The following SPDL1 variants were observed in gnomAD, a reference collection of about 807,000 sequenced individuals.
SPDL1 encodes protein Spindly.
Under a neutral mutation model 79.5 loss-of-function variants are expected in SPDL1, and 85 were observed. The observed-to-expected ratio is 1.07, with a 90% CI of 0.90 to 1.28. The LOEUF is 1.28. Ranked by LOEUF, SPDL1 falls within the 50% of genes most tolerant of loss-of-function variation. SPDL1 has a pLI of 0.00. For missense variants in SPDL1, 703 were observed against 697.8 expected, an observed-to-expected ratio of 1.01 and a Z score of -0.08; for synonymous variants, 269 against 240.3, an observed-to-expected ratio of 1.12 and a Z score of -1.10.
intron 2 of SPDL1, 72 bp downstream of exon 2, chr5:169,588,647 T>C (rs1315009966): frequency 1.5e-6 from 2 of 1,325,080 alleles, no homozygotes; most frequent in Non-Finnish European, 2.0e-6. Context: ...TAGCAATTAA[T>C]AGTAGTAGTA....
chr5:169,597,340 C>T (rs533459203), intron 8 of SPDL1, among the ~76,000 whole-genome samples: 1 of 152,096 alleles, frequency 6.6e-6, no homozygotes, highest in African/African-American at 2.4e-5. Context: ...CAATCTTGAT[C>T]CCAGTGATTT....
chr5:169,591,249 A>G (rs1755269944), intron 3 of SPDL1, 25 bp downstream of exon 3: 1 of 1,600,326 alleles, frequency 6.2e-7, no homozygotes, highest in African/African-American at 1.3e-5. Flanking sequence ...GTATTTCAGC[A>G]CAAAATATTC....
At chr5:169,589,122 A>G (rs937796888) in intron 2 of SPDL1, among the ~76,000 whole-genome samples, 32 of 152,098 alleles carry the variant, frequency 2.1e-4, no homozygotes, top group African/African-American at 7.7e-4. Flanking sequence ...TTCTTTATAT[A>G]CCAAAAATCT....
In SPDL1 at chr5:169,598,988, A is replaced by T. The variant is rs922880024; in HGVS notation, c.1153A>T (p.Thr385Ser). The T allele has an allele frequency of 1.3e-6, 2 of 1,553,204 alleles. No homozygotes were observed. The highest frequency in any genetic ancestry group is 1.7e-6 in the Non-Finnish European group (2 of 1,147,310). The change falls in exon 10 of 12, where the codon ACT (threonine) becomes TCT (serine). Residue 385 changes from threonine to serine, a missense_variant. Physicochemically the swap from Thr to Ser is moderately conservative, Grantham distance 58. Coordinates refer to ENST00000265295, the MANE Select transcript of SPDL1 (RefSeq NM_017785.5). ...LDNLNKEIES[T>S]KGELSIQRMK... Reference sequence around the variant, plus strand: ...TTATCATAGCAAAGAAATTGAAAGCACTAAAGGTGAATTGTCCATACAGCG... The same window carrying T: ...TTATCATAGCAAAGAAATTGAAAGCTCTAAAGGTGAATTGTCCATACAGCG...
At chr5:169,591,317 T>C in intron 3 of SPDL1, 93 bp downstream of exon 3, 1 of 1,327,448 alleles carries the variant, frequency 7.5e-7, no homozygotes, top group Non-Finnish European at 1.0e-6. Flanking sequence ...AAGTGTCAGC[T>C]TTGCAAAATA....
intron 8 of SPDL1, among the ~76,000 whole-genome samples, chr5:169,597,540 C>G (rs182631004): frequency 2.3e-4 from 35 of 151,954 alleles, no homozygotes; most frequent in African/African-American, 6.0e-4. Context: ...CAGTATTTTC[C>G]TGTCTATTTT....
rs760221314 is a variant in SPDL1 at position 169,601,566 on chromosome 5, A to G, written c.1611A>G (p.Gly537=). The G allele has an allele frequency of 6.2e-7, 1 of 1,614,208 alleles. No individual in the cohort carries two copies. The highest frequency in any genetic ancestry group is 8.5e-7 in the Non-Finnish European group (1 of 1,180,038). Residue 537 remains glycine (G), a synonymous_variant, in exon 11 of 12, where the codon GGA becomes GGG. Coordinates refer to ENST00000265295, the MANE Select transcript of SPDL1 (RefSeq NM_017785.5). ...KKEKKCVKLI[G]VPADAEALSE... is the part of the protein sequence containing the mutation. ...AAAAGAAATGTGTGAAACTCATAGG[A>G]GTTCCCGCTGACGCTGAGGCCTTAA...
chr5:169,591,046 A>G lies in SPDL1; in HGVS notation c.160-2A>G. ...TTGAATTGTAATTGAATCTGTTTTC[A>G]GAGTTATGAACAAGAAAAATATACC... On this transcript the variant is annotated splice_acceptor_variant, in intron 2 of 11. Coordinates refer to ENST00000265295, the MANE Select transcript of SPDL1 (RefSeq NM_017785.5). LOFTEE classifies it high-confidence loss of function. The G allele has an allele frequency of 1.2e-6, 2 of 1,607,928 alleles. No homozygotes were observed. The highest frequency in any genetic ancestry group is 1.7e-6 in the Non-Finnish European group (2 of 1,177,196).
At chr5:169,603,339 A>G (rs1756031668) in intron 11 of SPDL1, among the ~76,000 whole-genome samples, 1 of 151,896 alleles carries the variant, frequency 6.6e-6, no homozygotes, top group South Asian at 2.1e-4. Context: ...TCTTTATTCT[A>G]CTAGTTGAAA....
chr5:169,585,633 A>G (rs1426127015), intron 1 of SPDL1, among the ~76,000 whole-genome samples: 1 of 152,228 alleles, frequency 6.6e-6, no homozygotes, highest in Non-Finnish European at 1.5e-5. Flanking sequence ...TGAACAGTAC[A>G]ACATTTAGTT....
At chr5:169,584,721 C>G (rs1754891945) in intron 1 of SPDL1, among the ~76,000 whole-genome samples, 1 of 151,918 alleles carries the variant, frequency 6.6e-6, no homozygotes, top group African/African-American at 2.4e-5. Flanking sequence ...TAGTTCCCAT[C>G]ACACTTCGCG....
intron 8 of SPDL1, 89 bp from the exon 9 acceptor site, chr5:169,598,387 T>G: frequency 1.2e-6 from 1 of 819,072 alleles, no homozygotes. Flanking sequence ...GGGATATAAA[T>G]TCAGGAAGTG....
rs1554131168 is a variant in SPDL1, at chr5:169,594,479, C to G, written c.767C>G (p.Ser256Cys). Residue 256 changes from serine (S) to cysteine (C), a missense_variant, in exon 6 of 12, where the codon TCT becomes TGT. Transcript: ENST00000265295. ...TTGGATCCCAATAGTAAAGGCAACTCTTTGTTTGCAGAGGTACTTATAAGT... is the reference window on the plus strand; with the variant it reads ...TTGGATCCCAATAGTAAAGGCAACTGTTTGTTTGCAGAGGTACTTATAAGT... Reference protein sequence around the residue: ...QALDPNSKGNSLFAEVEDRRA... With the variant: ...QALDPNSKGNCLFAEVEDRRA... The G allele has an allele frequency of 6.2e-7, 1 of 1,613,968 alleles. No homozygotes were observed. Among genetic ancestry groups the G allele is most frequent in the South Asian group, 1.1e-5 (1 of 91,080 alleles).
At chr5:169,597,336 T>C (rs1156374531) in intron 8 of SPDL1, among the ~76,000 whole-genome samples, 1 of 151,992 alleles carries the variant, frequency 6.6e-6, no homozygotes, top group Non-Finnish European at 1.5e-5. Context: ...AAATCAATCT[T>C]GATCCCAGTG....
At position 169,591,682 on chromosome 5, in the gene SPDL1, A is replaced by G. The variant is rs573039330; in HGVS notation, c.336+458A>G. 7.9e-4 allele frequency among the ~76,000 whole-genome samples: 120 copies of G among 152,348 alleles called. 1 individual carries two copies. The highest frequency in any genetic ancestry group is 2.7e-3 in the African/African-American group (113 of 41,572). ...TAATACATGTGCTCCAGTTCTTACA[A>G]TAATATTGTGGAAAGGTACCATTAT... On this transcript the variant is annotated intron_variant, in intron 3 of 11. Transcript: ENST00000265295.
intron 1 of SPDL1, chr5:169,584,258 T>TA (rs1754859638): frequency 6.6e-6 from 1 of 151,292 alleles, no homozygotes; most frequent in Non-Finnish European, 1.5e-5. Flanking sequence ...AATATCTCAT[T>TA]AATAATTTTT....
intron 10 of SPDL1, among the ~76,000 whole-genome samples, chr5:169,599,573 C>T (rs934473294): frequency 6.6e-6 from 1 of 152,080 alleles, no homozygotes; most frequent in Non-Finnish European, 1.5e-5. Context: ...TTATCTCTGC[C>T]TCTGATGGAA....
intron 2 of SPDL1, 82 bp downstream of exon 2, chr5:169,588,657 A>C: frequency 7.8e-7 from 1 of 1,277,502 alleles, no homozygotes; most frequent in Non-Finnish European, 1.1e-6. Context: ...TAGTAGTAGT[A>C]GTTTATTCTT....
At chr5:169,587,602 T>C (rs1338712581) in intron 1 of SPDL1, among the ~76,000 whole-genome samples, 1 of 152,244 alleles carries the variant, frequency 6.6e-6, no homozygotes, top group East Asian at 1.9e-4. Context: ...TTTAATATAT[T>C]CAGGAAGTTA....
Sources: gnomAD v4.1 joint callset for allele counts (sites outside exome capture counted in the v4.1 genomes callset) on GRCh38, gnomAD v4.1.1 for gene constraint, MANE v1.5 for transcripts, NCBI Gene and HGNC (gene_info 2026-07-23, HGNC 2026-07-21) for gene names.